NTN1: variants seen among roughly 807,000 people sequenced by gnomAD.
NTN1 encodes the protein netrin-1.
In NTN1, 11 loss-of-function variants were observed where a neutral mutation model predicts 54.2. The observed-to-expected ratio is 0.20, with a 90% CI of 0.13 to 0.34. The LOEUF (loss-of-function observed/expected upper bound fraction) is 0.34, where lower values mean the gene tolerates loss of function less well. Among genes scored for constraint, NTN1 ranks in the 10% least tolerant of loss-of-function variants. The probability of loss-of-function intolerance (pLI) is 1.00; values close to 1 mark genes in which losing one functional copy is unlikely to be tolerated. For missense variants in NTN1, 740 were observed against 893.1 expected (o/e 0.83, Z 2.18); for synonymous variants, 371 against 382.0 (o/e 0.97, Z 0.33).
chr17:9,142,514 G>A (rs1262387982), intron 2 of NTN1, among the ~76,000 whole-genome samples: 1 of 151,946 alleles, frequency 6.6e-6, no homozygotes, highest in African/African-American at 2.4e-5. Context: ...GAGAATAGGA[G>A]GTAAGGATAC....
At chr17:9,168,639 C>T (rs1429272886) in intron 3 of NTN1, among the ~76,000 whole-genome samples, 2 of 152,092 alleles carry the variant, frequency 1.3e-5, no homozygotes. Context: ...AGTGCTTGCA[C>T]GTGTGTGTGT....
intron 5 of NTN1, among the ~76,000 whole-genome samples, chr17:9,204,294 C>CTT (rs549711225): frequency 7.1e-6 from 1 of 141,164 alleles, no homozygotes; most frequent in Non-Finnish European, 1.5e-5. Flanking sequence ...ATCTCTTTCT[C>CTT]TCTCTCTCTC....
At chr17:9,097,322 A>G (rs2092135066) in intron 2 of NTN1, among the ~76,000 whole-genome samples, 2 of 152,170 alleles carry the variant, frequency 1.3e-5, no homozygotes, top group South Asian at 4.1e-4. Context: ...GCTTCTATTT[A>G]TGTTAAAAAA....
intron 2 of NTN1, among the ~76,000 whole-genome samples, chr17:9,064,849 C>T (rs1330981578): frequency 1.3e-5 from 2 of 152,174 alleles, no homozygotes; most frequent in Non-Finnish European, 1.5e-5. Context: ...GCCTTGACCT[C>T]GCAGGCTCAA....
the NTN1 span, among the ~76,000 whole-genome samples, chr17:9,011,652 C>T: frequency 4.6e-5 from 7 of 152,122 alleles, no homozygotes; most frequent in African/African-American, 1.2e-4. Context: ...TGCAGTGGCA[C>T]GATCTCAGTT....
At position 9,083,631 on chromosome 17, in the gene NTN1, G is replaced by A. The variant is rs543883178; in HGVS notation, c.1018+60240G>A. Among the ~76,000 whole-genome samples the A allele has an allele frequency of 1.4e-4, 21 of 152,348 alleles. No individual in the cohort carries two copies. The East Asian group carries it at 4.0e-3, about 29-fold the overall frequency. On this transcript the variant is annotated intron_variant, in intron 2 of 6. Transcript: ENST00000173229. ...TCTTGCTCACCTTGGATGCTGTGGT[G>A]TGTGGATACGAAGCCTGGAACTGCT...
intron 5 of NTN1, among the ~76,000 whole-genome samples, chr17:9,191,974 CAAAAA>C (rs199861842): frequency 6.0e-5 from 8 of 132,394 alleles, no homozygotes; most frequent in Non-Finnish European, 1.1e-4. Flanking sequence ...GACCCTGTCT[CAAAAA>C]AAAAAAAAAG....
intron 5 of NTN1, among the ~76,000 whole-genome samples, chr17:9,193,790 C>T (rs906158785): frequency 5.3e-5 from 8 of 151,510 alleles, no homozygotes; most frequent in South Asian, 4.2e-4. Context: ...GGCATGGTGG[C>T]GCATGCCTGT....
chr17:9,215,470 A>G (rs1905200268), intron 5 of NTN1, among the ~76,000 whole-genome samples: 1 of 152,210 alleles, frequency 6.6e-6, no homozygotes, highest in Non-Finnish European at 1.5e-5. Flanking sequence ...TGTTTATGCC[A>G]TCACTTTCCC....
intron 5 of NTN1, among the ~76,000 whole-genome samples, chr17:9,194,226 ACT>A (rs1904561525): frequency 7.0e-6 from 1 of 143,670 alleles, no homozygotes; most frequent in Non-Finnish European, 1.5e-5. Flanking sequence ...ATAGAGCCAG[ACT>A]CTGTCTCAAA....
rs2091861056 is a variant in NTN1 at position 9,023,650 on chromosome 17, G to A, written c.1018+259G>A. Among the ~76,000 whole-genome samples the A allele has an allele frequency of 3.3e-5, 5 of 152,398 alleles. No homozygotes were observed. The South Asian group carries it at 1.0e-3, about 32-fold the overall frequency. ...AATGTTCCCGGGAGGGGGTTTGGCA[G>A]AACATTTGCAGATAGGTCTCCGCTA... On this transcript the variant is annotated intron_variant, in intron 2 of 6. Transcript: ENST00000173229.
intron 2 of NTN1, among the ~76,000 whole-genome samples, chr17:9,053,623 C>T (rs1015048152): frequency 3.9e-5 from 6 of 152,228 alleles, no homozygotes; most frequent in Non-Finnish European, 8.8e-5. Context: ...TTTCTGTCCT[C>T]AGGGTCTAGC....
At chr17:9,019,641 C>T (rs2091839354), upstream of NTN1, among the ~76,000 whole-genome samples, 1 of 152,190 alleles carries the variant, frequency 6.6e-6, no homozygotes, top group Non-Finnish European at 1.5e-5. Context: ...GTATTATCTC[C>T]CTTGTACAGA....
Position 9,234,518 on chromosome 17 carries a change from C to G in NTN1, c.1487-5122C>G, listed in dbSNP as rs1238237879. On this transcript the variant is annotated intron_variant, in intron 6 of 6. Coordinates refer to ENST00000173229, the MANE Select transcript of NTN1 (RefSeq NM_004822.3). ...TCTTTTCTAGGCACCCGCCTCCTCC[C>G]CATGGTGGAGCACCAGGGCTCAGTT... 2.6e-5 allele frequency among the ~76,000 whole-genome samples: 4 copies of G among 152,250 alleles called. No homozygotes were observed. In the East Asian group the frequency reaches 7.7e-4, roughly 29 times the overall value.
chr17:9,132,591 C>T (rs2092269194), intron 2 of NTN1, among the ~76,000 whole-genome samples: 2 of 152,158 alleles, frequency 1.3e-5, no homozygotes, highest in South Asian at 4.1e-4. Flanking sequence ...AATGACACGT[C>T]CGGCCAGGCG....
chr17:9,167,909 C>T (rs547106327), intron 3 of NTN1, among the ~76,000 whole-genome samples: 1 of 152,322 alleles, frequency 6.6e-6, no homozygotes, highest in Non-Finnish European at 1.5e-5. Context: ...CTTGGCTGCA[C>T]ATTGGAACCA....
chr17:9,102,081 G>T (rs142922436), intron 2 of NTN1, among the ~76,000 whole-genome samples: 236 of 152,356 alleles, frequency 1.5e-3, no homozygotes, highest in Non-Finnish European at 2.6e-3. Context: ...GAGCCACAAG[G>T]CACTATCAGA....
At position 9,165,359 on chromosome 17, in the gene NTN1, A is replaced by G. The variant is rs1421242294; in HGVS notation, c.1207+2358A>G. On this transcript the variant is annotated intron_variant, in intron 3 of 6. Coordinates refer to ENST00000173229, the MANE Select transcript of NTN1 (RefSeq NM_004822.3). The surrounding 1 kb of genome is among the most constrained non-coding windows in gnomAD (Gnocchi z 4.5). ...ACAGGGTCCCGGGAACCCGCAGGCC[A>G]TTCTCCAGGGGTCTGCCACTCTGGC... Among the ~76,000 whole-genome samples the G allele has an allele frequency of 1.3e-5, 2 of 152,214 alleles. No individual in the cohort carries two copies. Among genetic ancestry groups the G allele is most frequent in the Non-Finnish European group, 2.9e-5 (2 of 68,034 alleles).
Position 9,219,211 on chromosome 17 carries a change from G to A in NTN1, c.1412-1957G>A, listed in dbSNP as rs1214366196. Among the ~76,000 whole-genome samples the A allele has an allele frequency of 2.0e-5, 3 of 152,174 alleles. No homozygotes were observed. Among genetic ancestry groups the A allele is most frequent in the Non-Finnish European group, 4.4e-5 (3 of 68,036 alleles). On this transcript the variant is annotated intron_variant, in intron 5 of 6. Transcript: ENST00000173229. This position sits in a 1 kb window ranked among gnomAD's most constrained non-coding sequence, Gnocchi z 4.5. ...TGCTGATGGCGCCGTTGACTTGAGT[G>A]TTTGGGCTGCCGTCACTTTCATCCC...
Sources: allele counts gnomAD v4.1 joint callset (sites outside exome capture counted in the v4.1 genomes callset), GRCh38; gene constraint gnomAD v4.1.1; non-coding constraint Gnocchi (gnomAD v3.1); transcripts MANE v1.5; gene names NCBI Gene and HGNC (gene_info 2026-07-23, HGNC 2026-07-21).